TMEM196: variants seen among roughly 807,000 people sequenced by gnomAD.
TMEM196 encodes the protein transmembrane protein 196.
In TMEM196, 17 loss-of-function variants were observed where a neutral mutation model predicts 20.0. The observed-to-expected ratio is 0.85, with a 90% CI of 0.58 to 1.27. The LOEUF (loss-of-function observed/expected upper bound fraction) is 1.27. Among genes scored for constraint, TMEM196 ranks in the 50% most tolerant of loss-of-function variants. The pLI is 0.00. For missense variants in TMEM196, 267 were observed against 223.0 expected, an observed-to-expected ratio of 1.20 and a Z score of -1.26; for synonymous variants, 113 against 88.9, an observed-to-expected ratio of 1.27 and a Z score of -1.52.
intron 2 of TMEM196, 139 bp downstream of exon 2, chr7:19,729,243 G>A: frequency 1.7e-6 from 1 of 601,676 alleles, no homozygotes; most frequent in Non-Finnish European, 2.5e-6. Flanking sequence ...GAAAAGGCAG[G>A]ATTTATTTGT....
At chr7:19,747,292 A>G (rs1485307730) in intron 1 of TMEM196, among the ~76,000 whole-genome samples, 1 of 151,440 alleles carries the variant, frequency 6.6e-6, no homozygotes, top group Non-Finnish European at 1.5e-5. Flanking sequence ...AAAATAAAAA[A>G]TAAAAATAAA....
At chr7:19,762,392 T>C (rs933882070) in intron 1 of TMEM196, among the ~76,000 whole-genome samples, 1 of 152,134 alleles carries the variant, frequency 6.6e-6, no homozygotes, top group African/African-American at 2.4e-5. Flanking sequence ...ATGTGATTAA[T>C]ATTAAGCATC....
At chr7:19,724,848 T>C (rs1783935712) in intron 3 of TMEM196, among the ~76,000 whole-genome samples, 1 of 152,212 alleles carries the variant, frequency 6.6e-6, no homozygotes. Context: ...AATTAAGGAA[T>C]ATGTGCAAAA....
In TMEM196 at chr7:19,772,675, T is replaced by C. The variant is rs2128042588; in HGVS notation, c.22A>G (p.Ile8Val). The C allele has an allele frequency of 1.3e-6, 2 of 1,532,018 alleles. No homozygotes were observed. Among genetic ancestry groups the C allele is most frequent in the African/African-American group, 2.8e-5 (2 of 72,418 alleles). The allele number at this position is 1,532,018 out of a possible 1,614,324, so 94.9% of individuals were successfully genotyped here. A position where few individuals can be genotyped will look rare whatever the true frequency, so the allele number is the denominator to read the frequency against. Residue 8 changes from isoleucine to valine, a missense_variant, in exon 1 of 5, where the codon ATT (isoleucine) becomes GTT (valine). Coordinates refer to ENST00000405844, the MANE Select transcript of TMEM196 (RefSeq NM_001363562.2). ...ACGGAGAGCACCAAGAGGCTCCCAA[T>C]AATCTGACCGCTGGTGCACATCCTT... MCTSGQIIGSLLVLSVLE... is the reference protein window; with the variant it reads MCTSGQIVGSLLVLSVLE...
At chr7:19,765,765 T>A (rs10249477) in intron 1 of TMEM196, among the ~76,000 whole-genome samples, 23,686 of 152,150 alleles carry the variant, frequency 0.16, 2,328 homozygotes, top group East Asian at 0.45. Context: ...ACTAAGTATT[T>A]ACAAAACTTT....
chr7:19,737,048 C>T (rs779168839), intron 1 of TMEM196, among the ~76,000 whole-genome samples: 2 of 151,566 alleles, frequency 1.3e-5, no homozygotes, highest in Non-Finnish European at 2.9e-5. Flanking sequence ...AAGAAAGGCA[C>T]CTATACAAAT....
chr7:19,733,981 A>G (rs991340241), intron 1 of TMEM196, among the ~76,000 whole-genome samples: 6 of 152,180 alleles, frequency 3.9e-5, no homozygotes, highest in African/African-American at 1.4e-4. Flanking sequence ...CAGTCTACCA[A>G]TGAGGGGGAG....
chr7:19,735,742 A>T (rs1299610644), intron 1 of TMEM196, among the ~76,000 whole-genome samples: 1 of 152,152 alleles, frequency 6.6e-6, no homozygotes, highest in African/African-American at 2.4e-5. Context: ...ATAAAAGATG[A>T]CAGGCCAATC....
At chr7:19,760,334 A>G (rs922847261) in intron 1 of TMEM196, among the ~76,000 whole-genome samples, 5 of 147,412 alleles carry the variant, frequency 3.4e-5, no homozygotes, top group East Asian at 2.0e-4. Context: ...TATATTCTTC[A>G]TAAGCCTATA....
chr7:19,760,382 A>G (rs1208419516), intron 1 of TMEM196, among the ~76,000 whole-genome samples: 3 of 85,074 alleles, frequency 3.5e-5, no homozygotes, highest in Non-Finnish European at 6.0e-5. Context: ...TTTTTTTGAG[A>G]CGAAGTCTCA....
chr7:19,756,212 A>C (rs1785205295), intron 1 of TMEM196, among the ~76,000 whole-genome samples: 1 of 152,158 alleles, frequency 6.6e-6, no homozygotes, highest in African/African-American at 2.4e-5. Context: ...GGATTTCAGC[A>C]ATGTAGTTTA....
chr7:19,737,611 C>T (rs1322058753), intron 1 of TMEM196, among the ~76,000 whole-genome samples: 3 of 151,852 alleles, frequency 2.0e-5, no homozygotes, highest in African/African-American at 7.3e-5. Context: ...CACTCAAAGA[C>T]ATGGGTAGAA....
chr7:19,733,274 G>A (rs544249405), intron 1 of TMEM196, among the ~76,000 whole-genome samples: 1 of 152,268 alleles, frequency 6.6e-6, no homozygotes, highest in East Asian at 1.9e-4. Flanking sequence ...AAAGTCCTTG[G>A]AGGTTTCTGC....
At chr7:19,736,296 G>A (rs1478908435) in intron 1 of TMEM196, among the ~76,000 whole-genome samples, 1 of 121,720 alleles carries the variant, frequency 8.2e-6, no homozygotes, top group East Asian at 2.8e-4. Flanking sequence ...TCATAAGGAT[G>A]CCTCCTTTGT....
chr7:19,727,920 A>AT (rs1280856612), intron 2 of TMEM196, among the ~76,000 whole-genome samples: 104 of 151,946 alleles, frequency 6.8e-4, no homozygotes, highest in African/African-American at 2.4e-3. Flanking sequence ...TTTGGAGTGA[A>AT]ATTTTTTTTT....
intron 1 of TMEM196, among the ~76,000 whole-genome samples, chr7:19,766,131 A>G (rs1785619061): frequency 6.6e-6 from 1 of 152,200 alleles, no homozygotes; most frequent in African/African-American, 2.4e-5. Context: ...AGGAATAATG[A>G]GACTGTGATT....
At chr7:19,764,374 T>G (rs1217949218) in intron 1 of TMEM196, among the ~76,000 whole-genome samples, 1 of 152,222 alleles carries the variant, frequency 6.6e-6, no homozygotes, top group Admixed American at 6.5e-5. Flanking sequence ...TTTTCAAGAC[T>G]GGTACCATCT....
At chr7:19,747,005 C>T (rs984614439) in intron 1 of TMEM196, among the ~76,000 whole-genome samples, 2 of 152,152 alleles carry the variant, frequency 1.3e-5, no homozygotes, top group Non-Finnish European at 2.9e-5. Context: ...CCTGTAATCC[C>T]AGCACTTTGG....
intron 3 of TMEM196, among the ~76,000 whole-genome samples, chr7:19,725,072 C>T (rs1050072676): frequency 2.0e-5 from 3 of 152,102 alleles, no homozygotes; most frequent in African/African-American, 7.2e-5. Flanking sequence ...TTTTTGTCAC[C>T]TTATTAAAAA....
Sources: gnomAD v4.1 joint callset for allele counts (sites outside exome capture counted in the v4.1 genomes callset) on GRCh38, gnomAD v4.1.1 for gene constraint, MANE v1.5 for transcripts, NCBI Gene and HGNC (gene_info 2026-07-23, HGNC 2026-07-21) for gene names.